The following PRELID2 variants were observed in gnomAD, a reference collection of about 807,000 sequenced individuals.
The protein encoded by PRELID2 is PRELI domain containing 2.
A neutral mutation model predicts 28.4 loss-of-function variants in PRELID2; 25 were observed. The observed-to-expected ratio is 0.88, with a 90% CI of 0.64 to 1.23. The LOEUF (loss-of-function observed/expected upper bound fraction) is 1.23. Among genes scored for constraint, PRELID2 ranks in the 50% most tolerant of loss-of-function variants. The probability of loss-of-function intolerance (pLI) is 0.00; values close to 1 mark genes in which losing one functional copy is unlikely to be tolerated. For missense variants in PRELID2, 201 were observed against 214.4 expected, an observed-to-expected ratio of 0.94 and a Z score of 0.39; for synonymous variants, 76 against 71.6, an observed-to-expected ratio of 1.06 and a Z score of -0.31.
the PRELID2 span, among the ~76,000 whole-genome samples, chr5:145,271,521 T>C: frequency 6.6e-6 from 1 of 152,166 alleles, no homozygotes; most frequent in Non-Finnish European, 1.5e-5. Context: ...GCCCTATACC[T>C]ATCTTTATTA....
the PRELID2 span, among the ~76,000 whole-genome samples, chr5:145,413,983 T>G: frequency 6.6e-6 from 1 of 152,232 alleles, no homozygotes; most frequent in Non-Finnish European, 1.5e-5. Context: ...AATAAAATTA[T>G]GAATTTCTAA....
At chr5:145,330,067 G>C in the PRELID2 span, among the ~76,000 whole-genome samples, 33 of 152,284 alleles carry the variant, frequency 2.2e-4, no homozygotes, top group African/African-American at 7.7e-4. Context: ...TTACATGATG[G>C]ATTATGTTTT....
chr5:145,612,149 T>C (rs1201499175), intron 1 of PRELID2, among the ~76,000 whole-genome samples: 2 of 152,004 alleles, frequency 1.3e-5, no homozygotes. Context: ...TCCAGGTGAA[T>C]TATAAACCTA....
the PRELID2 span, among the ~76,000 whole-genome samples, chr5:145,284,007 C>T: frequency 6.6e-6 from 1 of 152,040 alleles, no homozygotes; most frequent in African/African-American, 2.4e-5. Flanking sequence ...AAAAGTGCCA[C>T]GGTCAAAGAG....
chr5:145,373,319 CAT>C, the PRELID2 span, among the ~76,000 whole-genome samples: 1 of 100,130 alleles, frequency 1.0e-5, no homozygotes, highest in Non-Finnish European at 1.9e-5. Context: ...TATATTACAA[CAT>C]ATATAATATA....
intron 1 of PRELID2, among the ~76,000 whole-genome samples, chr5:145,500,217 G>A (rs1752347803): frequency 6.6e-6 from 1 of 152,098 alleles, no homozygotes; most frequent in African/African-American, 2.4e-5. Context: ...TCATGGGGAT[G>A]AATTTCCCCT....
intron 4 of PRELID2, among the ~76,000 whole-genome samples, chr5:145,804,996 T>C (rs1438003975): frequency 6.6e-6 from 1 of 152,198 alleles, no homozygotes; most frequent in African/African-American, 2.4e-5. Context: ...TCCTCTCTAT[T>C]GTCTCGAGAT....
intron 1 of PRELID2, among the ~76,000 whole-genome samples, chr5:145,495,265 T>A (rs1047877383): frequency 1.3e-4 from 20 of 152,324 alleles, no homozygotes; most frequent in African/African-American, 4.6e-4. Context: ...TCCGGCAGGC[T>A]GGACATTGAA....
intron 1 of PRELID2, among the ~76,000 whole-genome samples, chr5:145,688,711 G>T (rs559323831): frequency 3.3e-5 from 5 of 152,318 alleles, no homozygotes; most frequent in African/African-American, 1.2e-4. Flanking sequence ...CACATTGGAA[G>T]AACTTAAGGA....
At chr5:145,699,584 C>G (rs78285155) in intron 1 of PRELID2, among the ~76,000 whole-genome samples, 7,063 of 152,156 alleles carry the variant, frequency 0.046, 581 homozygotes, top group African/African-American at 0.16. Context: ...ATAGGAAAAC[C>G]CTTGCACCAC....
At chr5:145,731,827 C>T (rs977543246) in intron 1 of PRELID2, among the ~76,000 whole-genome samples, 1 of 152,174 alleles carries the variant, frequency 6.6e-6, no homozygotes, top group African/African-American at 2.4e-5. Context: ...AGGGGGAAAT[C>T]TGAACCCTCA....
chr5:145,301,930 CTTTTTTTTT>C, the PRELID2 span, among the ~76,000 whole-genome samples: 1 of 110,206 alleles, frequency 9.1e-6, no homozygotes, highest in Non-Finnish European at 1.8e-5. Flanking sequence ...TTATTCATTT[CTTTTTTTTT>C]TTTTTTTTTT....
intron 1 of PRELID2, among the ~76,000 whole-genome samples, chr5:145,506,334 C>T (rs1241521728): frequency 6.6e-6 from 1 of 152,096 alleles, no homozygotes; most frequent in Non-Finnish European, 1.5e-5. Flanking sequence ...CAAACCACTC[C>T]CCGAATGAGT....
chr5:145,718,209 A>G (rs1162307568), intron 1 of PRELID2, among the ~76,000 whole-genome samples: 1 of 152,038 alleles, frequency 6.6e-6, no homozygotes, highest in Non-Finnish European at 1.5e-5. Flanking sequence ...AGCTATTAGA[A>G]AAAATAAGAG....
At chr5:145,781,701 TA>T (rs1751631060) in intron 5 of PRELID2, among the ~76,000 whole-genome samples, 1 of 146,662 alleles carries the variant, frequency 6.8e-6, no homozygotes, top group African/African-American at 2.5e-5. Context: ...ATATATACTA[TA>T]TATATATACA....
chr5:145,766,243 T>C (rs905284924), intron 5 of PRELID2, among the ~76,000 whole-genome samples: 2 of 152,134 alleles, frequency 1.3e-5, no homozygotes, highest in East Asian at 3.9e-4. Context: ...CAGAGAAGAA[T>C]AATGATAAGG....
chr5:145,272,844 T>G, the PRELID2 span, among the ~76,000 whole-genome samples: 17 of 152,244 alleles, frequency 1.1e-4, no homozygotes, highest in Non-Finnish European at 1.9e-4. Flanking sequence ...TTTCGCTTAC[T>G]CGTTATGGGC....
At chr5:145,684,347 G>A (rs1383387011) in intron 1 of PRELID2, among the ~76,000 whole-genome samples, 1 of 152,094 alleles carries the variant, frequency 6.6e-6, no homozygotes, top group Admixed American at 6.5e-5. Context: ...ATGAAATCCT[G>A]CTAAAAGAGA....
At chr5:145,500,241 A>T (rs373986523) in intron 1 of PRELID2, among the ~76,000 whole-genome samples, 136 of 152,210 alleles carry the variant, frequency 8.9e-4, no homozygotes, top group African/African-American at 3.1e-3. Context: ...TATTCTCATG[A>T]TAGTGAGTGT....
Sources: allele counts gnomAD v4.1 joint callset (sites outside exome capture counted in the v4.1 genomes callset), GRCh38; gene constraint gnomAD v4.1.1; transcripts MANE v1.5; gene names NCBI Gene and HGNC (gene_info 2026-07-23, HGNC 2026-07-21).